GULP1: variants seen among roughly 807,000 people sequenced by gnomAD.
GULP1 encodes the protein GULP PTB domain containing engulfment adaptor 1.
In GULP1, 19 loss-of-function variants were observed where a neutral mutation model predicts 40.9. The ratio of observed to expected loss-of-function variants is 0.46; its 90% CI spans 0.32 to 0.68. The LOEUF (loss-of-function observed/expected upper bound fraction) is 0.68, where lower values mean the gene tolerates loss of function less well. Ranked by LOEUF, GULP1 falls within the 30% of genes least tolerant of loss-of-function variation. GULP1 has a pLI of 0.03. For missense variants in GULP1, 312 were observed against 362.2 expected (o/e 0.86, Z 1.12); for synonymous variants, 119 against 117.6 (o/e 1.01, Z -0.08).
intron 1 of GULP1, among the ~76,000 whole-genome samples, chr2:188,382,277 T>G (rs2049093258): frequency 6.6e-6 from 1 of 152,054 alleles, no homozygotes; most frequent in Non-Finnish European, 1.5e-5. Flanking sequence ...CTAATGAGGA[T>G]TGGTGTATAA....
chr2:188,514,040 A>AGTGAGTGTGTGTGT (rs1553577816), intron 4 of GULP1, among the ~76,000 whole-genome samples: 9 of 123,076 alleles, frequency 7.3e-5, no homozygotes, highest in Middle Eastern at 8.7e-3. Context: ...TCCCCTTCTG[A>AGTGAGTGTGTGTGT]GTGTGTGTGT....
At chr2:188,418,489 C>T (rs544492360) in intron 2 of GULP1, among the ~76,000 whole-genome samples, 8 of 151,920 alleles carry the variant, frequency 5.3e-5, no homozygotes, top group African/African-American at 1.2e-4. Context: ...AAAAATTAGC[C>T]GGGCATGGTG....
chr2:188,537,977 G>A (rs1041121041), intron 6 of GULP1, among the ~76,000 whole-genome samples: 1 of 152,012 alleles, frequency 6.6e-6, no homozygotes, highest in African/African-American at 2.4e-5. Context: ...GAGCTTCAAG[G>A]TGTTCGTAAT....
intron 1 of GULP1, among the ~76,000 whole-genome samples, chr2:188,326,443 T>G (rs890200853): frequency 1.2e-4 from 18 of 152,044 alleles, no homozygotes; most frequent in African/African-American, 3.9e-4. Context: ...ACCTTCCTTA[T>G]TGGGTTAATG....
chr2:188,401,667 G>C (rs1042043904), intron 2 of GULP1, among the ~76,000 whole-genome samples: 2 of 151,960 alleles, frequency 1.3e-5, no homozygotes, highest in Non-Finnish European at 2.9e-5. Context: ...ATATATATGG[G>C]GATAGTATTG....
intron 4 of GULP1, among the ~76,000 whole-genome samples, chr2:188,499,269 A>T (rs2063207813): frequency 6.6e-6 from 1 of 150,496 alleles, no homozygotes; most frequent in Non-Finnish European, 1.5e-5. Flanking sequence ...TCACATAAGC[A>T]ATTCTCTTGA....
At chr2:188,468,046 T>C (rs890787929) in intron 2 of GULP1, among the ~76,000 whole-genome samples, 8 of 152,196 alleles carry the variant, frequency 5.3e-5, no homozygotes, top group Non-Finnish European at 1.2e-4. Flanking sequence ...CAGCGTTTGC[T>C]TGACTTCAAT....
chr2:188,308,683 G>T (rs2037555717), intron 1 of GULP1, among the ~76,000 whole-genome samples: 1 of 152,156 alleles, frequency 6.6e-6, no homozygotes, highest in Admixed American at 6.5e-5. Flanking sequence ...GATAGACCTG[G>T]CTCCTTACCA....
chr2:188,376,157 T>G (rs983310497), intron 1 of GULP1, among the ~76,000 whole-genome samples: 1 of 152,222 alleles, frequency 6.6e-6, no homozygotes, highest in African/African-American at 2.4e-5. Flanking sequence ...AAGGGTTAAC[T>G]GTATTCCTAG....
At chr2:188,323,533 T>C (rs979490865) in intron 1 of GULP1, among the ~76,000 whole-genome samples, 4 of 152,044 alleles carry the variant, frequency 2.6e-5, no homozygotes, top group Non-Finnish European at 4.4e-5. Context: ...TCCTGAAGAA[T>C]CCTCAATTTT....
intron 1 of GULP1, among the ~76,000 whole-genome samples, chr2:188,317,057 A>G (rs1213810375): frequency 1.3e-5 from 2 of 152,134 alleles, no homozygotes; most frequent in African/African-American, 4.8e-5. Flanking sequence ...TTCCTCTGTT[A>G]CCTGAGTGCC....
At chr2:188,307,031 G>C (rs1217928096) in intron 1 of GULP1, among the ~76,000 whole-genome samples, 1 of 152,114 alleles carries the variant, frequency 6.6e-6, no homozygotes, top group Non-Finnish European at 1.5e-5. Flanking sequence ...TTGGTAACTT[G>C]GGTGTTTGTA....
chr2:188,437,872 TGAG>T (rs1477062986), intron 2 of GULP1, among the ~76,000 whole-genome samples: 1 of 152,066 alleles, frequency 6.6e-6, no homozygotes, highest in Non-Finnish European at 1.5e-5. Context: ...AGCAGAATGA[TGAG>T]AACTCATGAC....
At chr2:188,332,725 C>T (rs1479876365) in intron 1 of GULP1, among the ~76,000 whole-genome samples, 1 of 151,948 alleles carries the variant, frequency 6.6e-6, no homozygotes, top group Non-Finnish European at 1.5e-5. Context: ...ATGGGAGAGA[C>T]TTTTTCTTTG....
At chr2:188,578,539 A>AT (rs199500778) in intron 9 of GULP1, among the ~76,000 whole-genome samples, 3,020 of 152,038 alleles carry the variant, frequency 0.02, 97 homozygotes, top group African/African-American at 0.069. Context: ...GTAAAATAAA[A>AT]AAAAAAAAGA....
intron 2 of GULP1, among the ~76,000 whole-genome samples, chr2:188,438,460 A>G (rs932590095): frequency 1.3e-5 from 2 of 150,736 alleles, no homozygotes; most frequent in Non-Finnish European, 1.5e-5. Flanking sequence ...AATTATTAAT[A>G]GTTATATAAT....
At chr2:188,400,064 C>T (rs775561723) in intron 2 of GULP1, among the ~76,000 whole-genome samples, 7 of 152,076 alleles carry the variant, frequency 4.6e-5, no homozygotes, top group Non-Finnish European at 1.0e-4. Context: ...CATTGTATAA[C>T]AGTTATGGAG....
chr2:188,405,248 C>CA (rs1272552676), intron 2 of GULP1, among the ~76,000 whole-genome samples: 4 of 151,866 alleles, frequency 2.6e-5, no homozygotes, highest in African/African-American at 9.7e-5. Flanking sequence ...AGTTGGTCCC[C>CA]AAAGCCCCAG....
At chr2:188,488,736 G>T (rs1249473266) in intron 4 of GULP1, among the ~76,000 whole-genome samples, 1 of 152,008 alleles carries the variant, frequency 6.6e-6, no homozygotes, top group Non-Finnish European at 1.5e-5. Context: ...ATATGCAAGA[G>T]AATGCTTTGA....
Sources: gnomAD v4.1 joint callset for allele counts (sites outside exome capture counted in the v4.1 genomes callset) on GRCh38, gnomAD v4.1.1 for gene constraint, MANE v1.5 for transcripts, NCBI Gene and HGNC (gene_info 2026-07-23, HGNC 2026-07-21) for gene names.